The following LIG4 variants were observed in gnomAD, a reference collection of about 807,000 sequenced individuals.
The protein encoded by LIG4 is DNA ligase 4, also known as DNA joinase.
Under a neutral mutation model 19.0 loss-of-function variants are expected in LIG4, and 13 were observed. That is an observed-to-expected ratio of 0.68 (90% confidence interval 0.44 to 1.09). LIG4 has a LOEUF of 1.09. LIG4 is among the 50% of genes least tolerant of loss of function. The pLI is 0.00. For synonymous variants in LIG4, 361 were observed against 358.2 expected (o/e 1.01, Z -0.09); for missense variants, 1,026 against 1,089.7 (o/e 0.94, Z 0.82).
At position 108,210,617 on chromosome 13, in the gene LIG4, T is replaced by C. The variant is rs1027961405; in HGVS notation, c.652A>G (p.Thr218Ala). The change falls in exon 3 of 3, where the codon ACT (threonine) becomes GCT (alanine). Residue 218 changes from threonine to alanine, a missense_variant. This residue lies in a region of LIG4 where 493 missense variants were observed against 544.5 expected (regional missense o/e 0.91). Transcript: ENST00000442234. ...HNDAAELHNV[T>A]TDLEKVCRQL... ...CTACAGACTTTTTCCAGATCTGTAG[T>C]GACATTATGCAACTCAGCAGCATCA... 6.2e-7 allele frequency: 1 copy of C among 1,613,618 alleles called. No homozygotes were observed. Among genetic ancestry groups the C allele is most frequent in the Non-Finnish European group, 8.5e-7 (1 of 1,179,972 alleles).
intron 2 of LIG4, among the ~76,000 whole-genome samples, chr13:108,214,273 C>T (rs1368132396): frequency 6.6e-6 from 1 of 152,176 alleles, no homozygotes; most frequent in Non-Finnish European, 1.5e-5. Flanking sequence ...GCCTATCTTC[C>T]ACAGCACTTA....
chr13:108,215,884 G>A (rs1879265052), upstream of LIG4, among the ~76,000 whole-genome samples: 2 of 152,110 alleles, frequency 1.3e-5, no homozygotes, highest in African/African-American at 4.8e-5. Flanking sequence ...CGCTGGTTGT[G>A]AAAACTCCCA....
intron 2 of LIG4, among the ~76,000 whole-genome samples, chr13:108,212,222 A>C (rs1354351497): frequency 6.6e-6 from 1 of 150,638 alleles, no homozygotes; most frequent in Non-Finnish European, 1.5e-5. Context: ...AAAGGGGGGG[A>C]GTGTAGTGGA....
Position 108,211,175 on chromosome 13 carries a change from G to A in LIG4, c.94C>T (p.Arg32Cys), listed in dbSNP as rs770549827. 43 of 1,613,214 alleles carry A rather than the reference G, an allele frequency of 2.7e-5. No individual in the cohort carries two copies. The highest frequency in any genetic ancestry group is 5.5e-5 in the South Asian group (5 of 91,048). ...CTGAAGTGTCTGATTTTTTCTGCAC[G>A]TCCTTTACTTTTCTGTATTCGTTCT... ...TLERIQKSKG[R>C]AEKIRHFREF... Residue 32 changes from arginine (R) to cysteine (C), a missense_variant, in exon 3 of 3, where the codon CGT becomes TGT. Arg to Cys is a radical substitution (Grantham distance 180). This residue lies in a region of LIG4 where 493 missense variants were observed against 544.5 expected (regional missense o/e 0.91). Transcript: ENST00000442234.
At chr13:108,216,752 A>G (rs1205421054), upstream of LIG4, among the ~76,000 whole-genome samples, 1 of 152,126 alleles carries the variant, frequency 6.6e-6, no homozygotes, top group East Asian at 1.9e-4. Context: ...AGCTTGTTCA[A>G]CCTCTACTGA....
chr13:108,210,766 T>C lies in LIG4; in HGVS notation c.503A>G (p.Lys168Arg). Residue 168 changes from lysine (K) to arginine (R), a missense_variant, in exon 3 of 3, where the codon AAA becomes AGA. Transcript: ENST00000442234. ...NNSAKRKDLI[K>R]KSLLQLITQS... ...AGTTATAAGTTGAAGAAGGCTCTTT[T>C]TTATTAGGTCTTTTCTTTTAGCAGA... 1 of 1,614,044 alleles carries C rather than the reference T, an allele frequency of 6.2e-7. No individual in the cohort carries two copies. Among genetic ancestry groups the C allele is most frequent in the Non-Finnish European group, 8.5e-7 (1 of 1,179,962 alleles).
intron 2 of LIG4, among the ~76,000 whole-genome samples, chr13:108,213,164 C>CCT (rs1435271955): frequency 6.6e-6 from 1 of 152,134 alleles, no homozygotes; most frequent in African/African-American, 2.4e-5. Context: ...ACTGTTGTTT[C>CCT]CTCTCTCTGA....
rs1214162367 is a variant in LIG4, at chr13:108,208,978, CTA to C, written c.2289_2290del (p.Asp763GlufsTer5). On this transcript the variant is annotated frameshift_variant, in exon 3 of 3. Transcript: ENST00000442234. LOFTEE classifies it low-confidence loss of function (END_TRUNC). ...GTTCAAGTCTGTATCAATGAAATAA[CTA>C]TCACCATAGCAATCATATTCACGGG... 1 of 1,614,044 alleles carries C rather than the reference CTA, an allele frequency of 6.2e-7. No homozygotes were observed. Among genetic ancestry groups the C allele is most frequent in the Non-Finnish European group, 8.5e-7 (1 of 1,180,022 alleles).
intron 2 of LIG4, among the ~76,000 whole-genome samples, chr13:108,211,526 G>A (rs1264484462): frequency 2.6e-5 from 4 of 152,110 alleles, no homozygotes; most frequent in Non-Finnish European, 4.4e-5. Flanking sequence ...CTATATAGCT[G>A]TATTTCCTGT....
At position 108,209,381 on chromosome 13, in the gene LIG4, CT is replaced by C; in HGVS notation, c.1887del (p.Ala630LeufsTer5). ...GDDEPQEKKR[K>X]AAPKMKKVIG... Reference sequence around the variant, plus strand: ...ATAACTTTCTTCATCTTTGGGGCAGCTTTCCGCTTTTTTTCTTGTGGTTCAT... The same window carrying C: ...ATAACTTTCTTCATCTTTGGGGCAGCTTCCGCTTTTTTTCTTGTGGTTCAT... On this transcript the variant is annotated frameshift_variant, in exon 3 of 3. Coordinates refer to ENST00000442234, the MANE Select transcript of LIG4 (RefSeq NM_206937.2). LOFTEE classifies it low-confidence loss of function (END_TRUNC). The C allele has an allele frequency of 6.2e-7, 1 of 1,614,094 alleles. No individual in the cohort carries two copies. Among genetic ancestry groups the C allele is most frequent in the Non-Finnish European group, 8.5e-7 (1 of 1,179,998 alleles).
chr13:108,217,471 G>C (rs894327331), upstream of LIG4, among the ~76,000 whole-genome samples: 1 of 152,142 alleles, frequency 6.6e-6, no homozygotes, highest in Admixed American at 6.5e-5. Flanking sequence ...GGTGAGCCGA[G>C]ATCTTGCCAT....
Position 108,209,762 on chromosome 13 carries a change from G to C in LIG4, c.1507C>G (p.Leu503Val), listed in dbSNP as rs747572491. Residue 503 changes from leucine to valine, a missense_variant, in exon 3 of 3, where the codon CTC becomes GTC. Physicochemically the swap from Leu to Val is conservative, Grantham distance 32. Around this residue, in one of 3 missense-constraint regions of LIG4, gnomAD observed 521 missense variants for 515.5 expected, o/e 1.01. Coordinates refer to ENST00000442234, the MANE Select transcript of LIG4 (RefSeq NM_206937.2). ...GTGCAGCCAGACCCAACACGAGAGAGAGTATGAAACACAGATGGCTTCTCA... is the reference window on the plus strand; with the variant it reads ...GTGCAGCCAGACCCAACACGAGAGACAGTATGAAACACAGATGGCTTCTCA... Reference protein sequence around the residue: ...PGEKPSVFHTLSRVGSGCTMK... With the variant: ...PGEKPSVFHTVSRVGSGCTMK... 4 of 1,614,102 alleles carry C rather than the reference G, an allele frequency of 2.5e-6. No individual in the cohort carries two copies. The highest frequency in any genetic ancestry group is 3.4e-6 in the Non-Finnish European group (4 of 1,180,016).
rs763522907 is a variant in LIG4 at position 108,210,595 on chromosome 13, C to T, written c.674G>A (p.Cys225Tyr). Residue 225 changes from cysteine (C) to tyrosine (Y), a missense_variant, in exon 3 of 3, where the codon TGT becomes TAT. Transcript: ENST00000442234. ...HNVTTDLEKV[C>Y]RQLHDPSVGL... ...TACAGAAGGATCATGCAGTTGCCTACAGACTTTTTCCAGATCTGTAGTGAC... is the reference window on the plus strand; with the variant it reads ...TACAGAAGGATCATGCAGTTGCCTATAGACTTTTTCCAGATCTGTAGTGAC... The T allele has an allele frequency of 6.2e-7, 1 of 1,613,266 alleles. No individual in the cohort carries two copies. Among genetic ancestry groups the T allele is most frequent in the African/African-American group, 1.3e-5 (1 of 74,912 alleles).
chr13:108,212,293 A>T (rs1594469456), intron 2 of LIG4, among the ~76,000 whole-genome samples: 1 of 152,150 alleles, frequency 6.6e-6, no homozygotes, highest in East Asian at 1.9e-4. Flanking sequence ...AAATGTCCTG[A>T]GGGGAGAGCT....
At chr13:108,216,599 G>A (rs1460519204), upstream of LIG4, among the ~76,000 whole-genome samples, 1 of 152,182 alleles carries the variant, frequency 6.6e-6, no homozygotes, top group East Asian at 1.9e-4. Context: ...CTGTGATGTT[G>A]TAAAGTCTCA....
chr13:108,211,026 G>A lies in LIG4; in HGVS notation c.243C>T (p.Ala81=), dbSNP rs772726458. The A allele has an allele frequency of 6.2e-7, 1 of 1,602,584 alleles. No individual in the cohort carries two copies. The highest frequency in any genetic ancestry group is 1.1e-5 in the South Asian group (1 of 88,266). ...CAAGCATAGTTTCTTTAATTCCATA[G>A]GCCATTCTCTCTCTTTCTAGCTGAG... ...ILPQLERERM[A]YGIKETMLAK... The change falls in exon 3 of 3, where the codon GCC becomes GCT. Residue 81 remains alanine, a synonymous_variant. Transcript: ENST00000442234.
chr13:108,215,914 C>T (rs1879266398), upstream of LIG4, among the ~76,000 whole-genome samples: 1 of 152,120 alleles, frequency 6.6e-6, no homozygotes, highest in Non-Finnish European at 1.5e-5. Flanking sequence ...AGGACATCCT[C>T]CCAACTCAAA....
rs777008519 is a variant in LIG4, at chr13:108,210,424, T to A, written c.845A>T (p.His282Leu). 1.4e-5 allele frequency: 23 copies of A among 1,613,476 alleles called. No homozygotes were observed. Among genetic ancestry groups the A allele is most frequent in the Non-Finnish European group, 1.9e-5 (23 of 1,179,922 alleles). Residue 282 changes from histidine to leucine, a missense_variant, in exon 3 of 3, where the codon CAC becomes CTC. Transcript: ENST00000442234. Reference sequence around the variant, plus strand: ...GTATTTATATACATCTCCATCTTTGTGCATTTGCATACGTTCACCATCTAG... The same window carrying A: ...GTATTTATATACATCTCCATCTTTGAGCATTTGCATACGTTCACCATCTAG... ...TKLDGERMQM[H>L]KDGDVYKYFS...
In LIG4 at chr13:108,209,527, A is replaced by G; in HGVS notation, c.1742T>C (p.Ile581Thr). 1 of 1,614,142 alleles carries G rather than the reference A, an allele frequency of 6.2e-7. No homozygotes were observed. The highest frequency in any genetic ancestry group is 8.5e-7 in the Non-Finnish European group (1 of 1,180,018). ...KTGCTLRFPRIEKIRDDKEWH... is the reference protein window; with the variant it reads ...KTGCTLRFPRTEKIRDDKEWH... ...CTCCTTGTCATCTCTTATCTTTTCA[A>G]TTCGTGGAAAACGCAAGGTGCAGCC... The change falls in exon 3 of 3, where the codon ATT becomes ACT. Residue 581 changes from isoleucine (I) to threonine (T), a missense_variant. Transcript: ENST00000442234.
Sources: allele counts gnomAD v4.1 joint callset (sites outside exome capture counted in the v4.1 genomes callset), GRCh38; gene constraint gnomAD v4.1.1; regional missense constraint gnomAD v4.1.1; transcripts MANE v1.5; gene names NCBI Gene and HGNC (gene_info 2026-07-23, HGNC 2026-07-21).